Variants in EPHA5 observed in about 807,000 individuals in gnomAD.
EPHA5 encodes ephrin type-A receptor 5.
EPHA5 carries 60 observed loss-of-function variants against 105.0 expected under a neutral mutation model. That is an observed-to-expected ratio of 0.57 (90% CI 0.46 to 0.71). EPHA5 has a LOEUF of 0.71. EPHA5 is among the 30% of genes least tolerant of loss of function. The pLI is 0.00. For synonymous variants in EPHA5, 513 were observed against 449.1 expected (o/e 1.14, Z -1.80); for missense variants, 1,218 against 1,274.7 (o/e 0.96, Z 0.68).
At chr4:65,496,974 T>C (rs1451284858) in intron 3 of EPHA5, among the ~76,000 whole-genome samples, 1 of 152,184 alleles carries the variant, frequency 6.6e-6, no homozygotes, top group Non-Finnish European at 1.5e-5. Flanking sequence ...TTTTATTCTG[T>C]GGATTTTCTA....
At chr4:65,540,720 G>A (rs1453883617) in intron 3 of EPHA5, among the ~76,000 whole-genome samples, 2 of 150,924 alleles carry the variant, frequency 1.3e-5, no homozygotes, top group African/African-American at 2.4e-5. Context: ...GTAAGGTACT[G>A]GAAAATCAAG....
chr4:65,506,987 T>A (rs1479033479), intron 3 of EPHA5, among the ~76,000 whole-genome samples: 1 of 152,176 alleles, frequency 6.6e-6, no homozygotes, highest in Non-Finnish European at 1.5e-5. Flanking sequence ...TTCTAGGGTT[T>A]CTATGGTTTT....
intron 4 of EPHA5, among the ~76,000 whole-genome samples, chr4:65,493,232 C>T (rs768215838): frequency 2.6e-5 from 4 of 152,108 alleles, no homozygotes; most frequent in Non-Finnish European, 2.9e-5. Context: ...AATAAAATTC[C>T]TCTGCCCCAA....
intron 3 of EPHA5, among the ~76,000 whole-genome samples, chr4:65,554,462 C>T (rs1578409818): frequency 6.6e-6 from 1 of 150,930 alleles, no homozygotes; most frequent in African/African-American, 2.4e-5. Context: ...GAATAATGTG[C>T]TACAGTAGTT....
At chr4:65,597,174 TCTGA>T (rs1417075137) in intron 3 of EPHA5, among the ~76,000 whole-genome samples, 1 of 152,192 alleles carries the variant, frequency 6.6e-6, no homozygotes, top group Admixed American at 6.5e-5. Context: ...CCTTCTTCAC[TCTGA>T]CTGGTTTTGG....
At chr4:65,365,295 GAAAA>G in intron 10 of EPHA5, 93 bp from the exon 11 acceptor site, 1 of 1,038,116 alleles carries the variant, frequency 9.6e-7, no homozygotes, top group Non-Finnish European at 1.4e-6. Flanking sequence ...AGGCTTAGAT[GAAAA>G]AACAAACAAA....
intron 3 of EPHA5, among the ~76,000 whole-genome samples, chr4:65,551,252 A>ATGTGTGTG: frequency 1.5e-5 from 1 of 66,396 alleles, no homozygotes. Context: ...ATATATTTAT[A>ATGTGTGTG]TATGTGTGTG....
intron 2 of EPHA5, among the ~76,000 whole-genome samples, chr4:65,620,964 G>A (rs993444779): frequency 1.3e-5 from 2 of 152,132 alleles, no homozygotes; most frequent in African/African-American, 4.8e-5. Flanking sequence ...ATTCAGAGTT[G>A]CATGCTTCAA....
chr4:65,588,973 A>G (rs1246880270), intron 3 of EPHA5, among the ~76,000 whole-genome samples: 5 of 152,192 alleles, frequency 3.3e-5, no homozygotes, highest in Non-Finnish European at 7.3e-5. Context: ...AAATTGCTTT[A>G]AACTTTTAAA....
intron 7 of EPHA5, among the ~76,000 whole-genome samples, chr4:65,409,321 C>A (rs1578045990): frequency 2.0e-5 from 1 of 49,346 alleles, no homozygotes; most frequent in African/African-American, 5.5e-5. Context: ...GCACATGTAC[C>A]CTAAAACTTA....
chr4:65,490,707 G>T lies in EPHA5; in HGVS notation c.1072C>A (p.Pro358Thr). 1 of 1,612,774 alleles carries T rather than the reference G, an allele frequency of 6.2e-7. No individual in the cohort carries two copies. The highest frequency in any genetic ancestry group is 8.5e-7 in the Non-Finnish European group (1 of 1,178,902). ...GAGATGGCATTCCGAGGAGCAGAGG[G>T]GGGTCCTGGTTTACAAAGTAAAGTA... Reference protein sequence around the residue: ...DPPTMACTRPPSAPRNAISNV... With the variant: ...DPPTMACTRPTSAPRNAISNV... Residue 358 changes from proline to threonine, a missense_variant, in exon 5 of 17, where the codon CCC becomes ACC. Transcript: ENST00000613740.
intron 5 of EPHA5, among the ~76,000 whole-genome samples, chr4:65,433,216 C>A (rs1725143534): frequency 6.6e-6 from 1 of 152,064 alleles, no homozygotes; most frequent in Admixed American, 6.6e-5. Flanking sequence ...AAATGACTTC[C>A]ATGATATAAA....
At chr4:65,659,319 G>GAAAAAAAAAAAAAAAAAA (rs5858980) in intron 1 of EPHA5, among the ~76,000 whole-genome samples, 1 of 71,602 alleles carries the variant, frequency 1.4e-5, no homozygotes, top group African/African-American at 5.3e-5. Flanking sequence ...TAGAGTAACA[G>GAAAAAAAAAAAAAAAAAA]AAAAAAAAAA....
intron 5 of EPHA5, among the ~76,000 whole-genome samples, chr4:65,468,112 A>C (rs1728894324): frequency 6.6e-6 from 1 of 152,202 alleles, no homozygotes; most frequent in South Asian, 2.1e-4. Context: ...GCCACAAAGT[A>C]TGTGGTAATT....
chr4:65,357,891 C>G (rs550077825), intron 11 of EPHA5, among the ~76,000 whole-genome samples: 1 of 151,330 alleles, frequency 6.6e-6, no homozygotes, highest in East Asian at 2.0e-4. Context: ...TTTTTTGGTG[C>G]TAACGTCCAT....
At chr4:65,550,578 G>C (rs1459428786) in intron 3 of EPHA5, among the ~76,000 whole-genome samples, 1 of 152,180 alleles carries the variant, frequency 6.6e-6, no homozygotes, top group South Asian at 2.1e-4. Flanking sequence ...GCTCACGTCT[G>C]TAATCCCAGC....
At chr4:65,455,220 G>A (rs1045263479) in intron 5 of EPHA5, among the ~76,000 whole-genome samples, 24 of 152,076 alleles carry the variant, frequency 1.6e-4, no homozygotes, top group African/African-American at 5.3e-4. Context: ...GAGACAGAGA[G>A]AGACTCCGTC....
At chr4:65,358,314 T>C (rs923325934) in intron 11 of EPHA5, among the ~76,000 whole-genome samples, 2 of 151,574 alleles carry the variant, frequency 1.3e-5, no homozygotes, top group African/African-American at 4.8e-5. Flanking sequence ...AGAAGCCTCA[T>C]AATTCACTGG....
At chr4:65,369,024 A>G (rs144458348) in intron 8 of EPHA5, among the ~76,000 whole-genome samples, 1 of 152,112 alleles carries the variant, frequency 6.6e-6, no homozygotes, top group Non-Finnish European at 1.5e-5. Flanking sequence ...TTTCTAGTCT[A>G]TGCTGCAGCA....
Sources: gnomAD v4.1 joint callset for allele counts (sites outside exome capture counted in the v4.1 genomes callset) on GRCh38, gnomAD v4.1.1 for gene constraint, MANE v1.5 for transcripts, NCBI Gene and HGNC (gene_info 2026-07-23, HGNC 2026-07-21) for gene names.